The following LIMCH1 variants were observed in gnomAD, a reference collection of about 807,000 sequenced individuals.
LIMCH1 encodes the protein LIM and calponin homology domains 1, also known as LIM and calponin homology domains-containing protein 1.
In LIMCH1, 113 loss-of-function variants were observed where a neutral mutation model predicts 176.5. That is an observed-to-expected ratio of 0.64 (90% confidence interval 0.55 to 0.75). The LOEUF is 0.75. LIMCH1 is among the 30% of genes least tolerant of loss of function. LIMCH1 has a pLI of 0.00. For synonymous variants in LIMCH1, 619 were observed against 645.9 expected, an observed-to-expected ratio of 0.96 and a Z score of 0.63; for missense variants, 1,674 against 1,814.9, an observed-to-expected ratio of 0.92 and a Z score of 1.41.
chr4:41,677,386 C>T (rs917600870), intron 23 of LIMCH1, among the ~76,000 whole-genome samples: 4 of 151,584 alleles, frequency 2.6e-5, no homozygotes, highest in Non-Finnish European at 4.4e-5. Flanking sequence ...CCAGCCTGGA[C>T]GACAAAAACA....
chr4:41,439,853 G>A (rs1054340316), intron 1 of LIMCH1, among the ~76,000 whole-genome samples: 1 of 152,012 alleles, frequency 6.6e-6, no homozygotes, highest in Non-Finnish European at 1.5e-5. Context: ...GCAGTGAGCC[G>A]AGATCATGCC....
chr4:41,431,148 G>C (rs992618895), intron 1 of LIMCH1, among the ~76,000 whole-genome samples: 1 of 152,188 alleles, frequency 6.6e-6, no homozygotes, highest in South Asian at 2.1e-4. Flanking sequence ...TGGGTTATGG[G>C]TTGTGTCCTA....
intron 1 of LIMCH1, among the ~76,000 whole-genome samples, chr4:41,405,570 G>C (rs2058875351): frequency 6.6e-6 from 1 of 152,030 alleles, no homozygotes; most frequent in Non-Finnish European, 1.5e-5. Flanking sequence ...TTAGAACTGG[G>C]TGATCACAGG....
chr4:41,551,451 CA>C (rs1434532781), intron 1 of LIMCH1: 14 of 152,060 alleles, frequency 9.2e-5, no homozygotes, highest in African/African-American at 3.4e-4. Flanking sequence ...TTACTTTTAT[CA>C]AATTCAAATG....
intron 23 of LIMCH1, among the ~76,000 whole-genome samples, chr4:41,678,980 A>G (rs1713429348): frequency 6.6e-6 from 1 of 152,172 alleles, no homozygotes; most frequent in Non-Finnish European, 1.5e-5. Context: ...GCATGCCATG[A>G]GTTGATCAAC....
chr4:41,569,273 G>T (rs540027601), intron 1 of LIMCH1, among the ~76,000 whole-genome samples: 2 of 152,252 alleles, frequency 1.3e-5, no homozygotes, highest in East Asian at 1.9e-4. Flanking sequence ...TGCCCTTTTA[G>T]CCTGAACGAA....
At chr4:41,524,729 T>C (rs2076453495) in intron 3 of LIMCH1, among the ~76,000 whole-genome samples, 1 of 152,224 alleles carries the variant, frequency 6.6e-6, no homozygotes, top group African/African-American at 2.4e-5. Flanking sequence ...AAATTTGTTT[T>C]GGTGTGAGAG....
chr4:41,452,017 C>T (rs2154147254), intron 1 of LIMCH1, among the ~76,000 whole-genome samples: 1 of 152,286 alleles, frequency 6.6e-6, no homozygotes, highest in South Asian at 2.1e-4. Flanking sequence ...ACTCTTTCTT[C>T]TTTTCTTCTC....
At chr4:41,448,745 T>C (rs2063532153) in intron 1 of LIMCH1, among the ~76,000 whole-genome samples, 1 of 152,156 alleles carries the variant, frequency 6.6e-6, no homozygotes, top group Non-Finnish European at 1.5e-5. Flanking sequence ...CTTTCCTTTC[T>C]TGGGCTGAGG....
intron 2 of LIMCH1, among the ~76,000 whole-genome samples, chr4:41,496,869 T>G (rs988743023): frequency 6.6e-6 from 1 of 152,174 alleles, no homozygotes; most frequent in African/African-American, 2.4e-5. Flanking sequence ...AACACCTGTC[T>G]TTGGAGATTA....
chr4:41,529,502 G>A (rs912901453), intron 3 of LIMCH1, among the ~76,000 whole-genome samples: 3 of 152,198 alleles, frequency 2.0e-5, no homozygotes, highest in African/African-American at 7.2e-5. Flanking sequence ...TTACGTCTTA[G>A]ATGTATCTTA....
At chr4:41,412,451 A>T (rs2059580574) in intron 1 of LIMCH1, among the ~76,000 whole-genome samples, 2 of 152,210 alleles carry the variant, frequency 1.3e-5, no homozygotes, top group Admixed American at 6.5e-5. Context: ...TTACTTAAGG[A>T]TACTAAGTGA....
At chr4:41,538,734 G>A (rs186876947) in intron 1 of LIMCH1, among the ~76,000 whole-genome samples, 1 of 152,256 alleles carries the variant, frequency 6.6e-6, no homozygotes, top group Admixed American at 6.5e-5. Flanking sequence ...TGTTGTGGGG[G>A]AGATGTGGCT....
intron 1 of LIMCH1, among the ~76,000 whole-genome samples, chr4:41,380,915 G>T (rs1476019408): frequency 6.6e-6 from 1 of 152,196 alleles, no homozygotes; most frequent in Non-Finnish European, 1.5e-5. Flanking sequence ...AGATACCTGA[G>T]CAGATTTGAC....
intron 2 of LIMCH1, 54 bp downstream of exon 2, chr4:41,599,080 A>G: frequency 9.4e-7 from 1 of 1,059,804 alleles, no homozygotes; most frequent in South Asian, 1.3e-5. Context: ...TTTGATTTGC[A>G]ATTTTGTGAT....
chr4:41,613,611 G>T lies in LIMCH1; in HGVS notation c.155G>T (p.Arg52Leu), dbSNP rs149573923. The T allele has an allele frequency of 1.9e-6, 3 of 1,614,126 alleles. No individual in the cohort carries two copies. The highest frequency in any genetic ancestry group is 1.7e-5 in the Admixed American group (1 of 60,018). Residue 52 changes from arginine (R) to leucine (L), a missense_variant, in exon 5 of 32, where the codon CGC (arginine) becomes CTC (leucine). Physicochemically the swap from Arg to Leu is moderately radical, Grantham distance 102. Around this residue, in one of 3 missense-constraint regions of LIMCH1, gnomAD observed 655 missense variants for 692.2 expected, o/e 0.95. Coordinates refer to ENST00000503057, the MANE Select transcript of LIMCH1 (RefSeq NM_001330672.2). ...GACAGCCTGGATTCCTTTGGCTCTC[G>T]CTCTCGGCAGACGCCTTCACCAGAT... is the stretch of plus-strand genomic sequence containing the variant. The part of the protein sequence containing the change: ...SFDSLDSFGS[R>L]SRQTPSPDVV...
intron 2 of LIMCH1, among the ~76,000 whole-genome samples, chr4:41,599,430 T>TAA (rs1367177044): frequency 6.6e-6 from 1 of 152,174 alleles, no homozygotes; most frequent in Non-Finnish European, 1.5e-5. Flanking sequence ...AAGCATTAGA[T>TAA]TATGGAGAAC....
At chr4:41,549,750 A>G (rs2152509117) in intron 1 of LIMCH1, among the ~76,000 whole-genome samples, 1 of 152,228 alleles carries the variant, frequency 6.6e-6, no homozygotes, top group South Asian at 2.1e-4. Context: ...GTACATTTTA[A>G]AAAGAAGGAT....
rs144729163 is a variant in LIMCH1 at position 41,446,818 on chromosome 4, T to C, written c.97-47718T>C. On this transcript the variant is annotated intron_variant, in intron 1 of 26. Coordinates refer to the LIMCH1 transcript ENST00000313860. Reference sequence around the variant, plus strand: ...CAAGTGGCCTCAGAAATTTGAATTATCATGAAAGGAAAAGGAAGAATGACT... The same window carrying C: ...CAAGTGGCCTCAGAAATTTGAATTACCATGAAAGGAAAAGGAAGAATGACT... Among the ~76,000 whole-genome samples, 3 of 152,364 alleles carry C rather than the reference T, an allele frequency of 2.0e-5. No individual in the cohort carries two copies. The East Asian group carries it at 5.8e-4, about 29-fold the overall frequency.
Sources: gnomAD v4.1 joint callset for allele counts (sites outside exome capture counted in the v4.1 genomes callset) on GRCh38, gnomAD v4.1.1 for gene constraint, gnomAD v4.1.1 regional missense constraint, MANE v1.5 for transcripts, NCBI Gene and HGNC (gene_info 2026-07-23, HGNC 2026-07-21) for gene names.